Variants in FBXO28 observed in about 807,000 individuals in gnomAD.
The protein encoded by FBXO28 is F-box only protein 28.
Under a neutral mutation model 38.1 loss-of-function variants are expected in FBXO28, and 8 were observed. The observed-to-expected ratio is 0.21, with a 90% CI of 0.12 to 0.38. The LOEUF (loss-of-function observed/expected upper bound fraction) is 0.38. Among genes scored for constraint, FBXO28 ranks in the 10% least tolerant of loss-of-function variants. The pLI is 1.00. For synonymous variants in FBXO28, 168 were observed against 173.8 expected, an observed-to-expected ratio of 0.97 and a Z score of 0.26; for missense variants, 345 against 460.6, an observed-to-expected ratio of 0.75 and a Z score of 2.30.
chr1:224,147,643 C>T (rs776797473), intron 3 of FBXO28, among the ~76,000 whole-genome samples: 1 of 151,462 alleles, frequency 6.6e-6, no homozygotes, highest in African/African-American at 2.4e-5. Context: ...TGGACCCAAA[C>T]CCCTGAGGAT....
At chr1:224,122,252 T>G (rs1656796654) in intron 1 of FBXO28, among the ~76,000 whole-genome samples, 1 of 152,222 alleles carries the variant, frequency 6.6e-6, no homozygotes, top group Non-Finnish European at 1.5e-5. Flanking sequence ...CGTCCATCAT[T>G]AACTTTTTGC....
Position 224,149,777 on chromosome 1 carries a change from T to C in FBXO28, c.517-3365T>C, listed in dbSNP as rs73124496. On this transcript the variant is annotated intron_variant, in intron 3 of 4. Transcript: ENST00000366862. ...TTCTGAAGGGGAATAAAGGGTTGGA[T>C]GAAGATGTTAACATGATTTAAATTG... Among the ~76,000 whole-genome samples, 1,071 of 152,304 alleles carry C rather than the reference T, an allele frequency of 7.0e-3. 13 individuals carry two copies. The highest frequency in any genetic ancestry group is 0.024 in the African/African-American group (1,006 of 41,576).
At chr1:224,148,752 G>A (rs537659392) in intron 3 of FBXO28, among the ~76,000 whole-genome samples, 1 of 152,128 alleles carries the variant, frequency 6.6e-6, no homozygotes, top group East Asian at 1.9e-4. Flanking sequence ...ATGTTGAATT[G>A]CTATCCTATC....
chr1:224,120,449 G>A (rs1656745674), intron 1 of FBXO28, among the ~76,000 whole-genome samples: 1 of 152,160 alleles, frequency 6.6e-6, no homozygotes, highest in Non-Finnish European at 1.5e-5. Flanking sequence ...ATTATCTTTG[G>A]AGGAGCCTGT....
intron 2 of FBXO28, among the ~76,000 whole-genome samples, chr1:224,132,997 C>G (rs1365549800): frequency 6.6e-6 from 1 of 152,126 alleles, no homozygotes; most frequent in African/African-American, 2.4e-5. Context: ...ATCCAAATGT[C>G]CATCAGCTGA....
intron 3 of FBXO28, among the ~76,000 whole-genome samples, 189 bp from the exon 4 acceptor site, chr1:224,152,953 A>G (rs1008247642): frequency 6.0e-5 from 7 of 117,560 alleles, no homozygotes; most frequent in East Asian, 5.0e-4. Flanking sequence ...AAAAAAAAAA[A>G]GTACTGTAAC....
At chr1:224,122,914 A>G (rs1656811469) in intron 1 of FBXO28, among the ~76,000 whole-genome samples, 1 of 152,162 alleles carries the variant, frequency 6.6e-6, no homozygotes, top group African/African-American at 2.4e-5. Context: ...ACTCTAATCA[A>G]TTTGAAATAA....
intron 1 of FBXO28, among the ~76,000 whole-genome samples, chr1:224,124,369 T>C (rs1183581502): frequency 6.6e-6 from 1 of 152,230 alleles, no homozygotes; most frequent in African/African-American, 2.4e-5. Context: ...TTATAGTATA[T>C]ACTTTTCCTA....
intron 3 of FBXO28, among the ~76,000 whole-genome samples, chr1:224,137,273 G>A (rs921738318): frequency 7.3e-5 from 11 of 151,348 alleles, no homozygotes; most frequent in Admixed American, 2.0e-4. Flanking sequence ...GCCTGTAATC[G>A]CAGCACTTTG....
Position 224,157,894 on chromosome 1 carries a change from T to G in FBXO28, c.*148T>G, listed in dbSNP as rs568124087. The G allele has an allele frequency of 2.8e-6, 4 of 1,424,836 alleles. No individual in the cohort carries two copies. The African/African-American group carries it at 5.7e-5, about 20-fold the overall frequency. The allele number at this position is 1,424,836 out of a possible 1,614,324, so 88.3% of individuals were successfully genotyped here. A position where few individuals can be genotyped will look rare whatever the true frequency, so the allele number is the denominator to read the frequency against. On this transcript the variant is annotated 3_prime_UTR_variant, in exon 5 of 5. Transcript: ENST00000366862. The stretch of plus-strand genomic sequence containing the variant: ...AACTTGAACTCTTATGGTTGGGACA[T>G]TCTTTTCCTGCTTCTCCTGATTGAA...
chr1:224,127,933 G>A (rs1656944448), intron 1 of FBXO28, among the ~76,000 whole-genome samples: 1 of 152,124 alleles, frequency 6.6e-6, no homozygotes, highest in Non-Finnish European at 1.5e-5. Context: ...TTATTTATTA[G>A]AAATTACTTC....
At chr1:224,142,312 A>G (rs988357845) in intron 3 of FBXO28, among the ~76,000 whole-genome samples, 20 of 147,142 alleles carry the variant, frequency 1.4e-4, no homozygotes, top group African/African-American at 5.1e-4. Flanking sequence ...AGATTATGCC[A>G]TTGCATTCCA....
intron 1 of FBXO28, among the ~76,000 whole-genome samples, chr1:224,121,248 A>G (rs926279578): frequency 6.6e-6 from 1 of 152,198 alleles, no homozygotes; most frequent in Non-Finnish European, 1.5e-5. Flanking sequence ...AGAACAATCC[A>G]AAAGGCTTTT....
At chr1:224,139,745 AATACATACATGCATGCATGCATACATAC>A (rs1558192689) in intron 3 of FBXO28, among the ~76,000 whole-genome samples, 1 of 103,782 alleles carries the variant, frequency 9.6e-6, no homozygotes, top group African/African-American at 3.9e-5. Flanking sequence ...GTCTGAAATA[AATACATACATGCATGCATGCATACATAC>A]ATACATACAT....
intron 2 of FBXO28, 54 bp from the exon 3 acceptor site, chr1:224,134,020 G>A (rs2102618959): frequency 7.6e-7 from 1 of 1,320,668 alleles, no homozygotes; most frequent in Non-Finnish European, 9.9e-7. Flanking sequence ...TAATATTTTA[G>A]TCCACAATAC....
At chr1:224,129,942 A>G (rs1001248486) in intron 1 of FBXO28, among the ~76,000 whole-genome samples, 7 of 151,914 alleles carry the variant, frequency 4.6e-5, no homozygotes, top group Admixed American at 4.6e-4. Context: ...GTGAGCTAAG[A>G]TCGCGCCACT....
intron 3 of FBXO28, among the ~76,000 whole-genome samples, chr1:224,138,866 C>G (rs1175218831): frequency 6.6e-6 from 1 of 151,812 alleles, no homozygotes; most frequent in African/African-American, 2.4e-5. Context: ...ACTGCAACCT[C>G]CGCCTCCTGG....
In FBXO28 at chr1:224,157,456, G is replaced by A. The variant is rs1249568087; in HGVS notation, c.817G>A (p.Ala273Thr). The A allele has an allele frequency of 6.2e-7, 1 of 1,614,234 alleles. No individual in the cohort carries two copies. Among genetic ancestry groups the A allele is most frequent in the Non-Finnish European group, 8.5e-7 (1 of 1,180,046 alleles). ...KLQQQVKTNG[A>T]GVTVLRREIS... Reference sequence around the variant, plus strand: ...CCAGCAGCAGGTTAAAACAAATGGTGCTGGCGTGACTGTTCTCAGGCGTGA... The same window carrying A: ...CCAGCAGCAGGTTAAAACAAATGGTACTGGCGTGACTGTTCTCAGGCGTGA... Residue 273 changes from alanine (A) to threonine (T), a missense_variant, in exon 5 of 5, where the codon GCT becomes ACT. By Grantham distance (58) the Ala-to-Thr change is moderately conservative. Coordinates refer to ENST00000366862, the MANE Select transcript of FBXO28 (RefSeq NM_015176.4).
chr1:224,150,022 A>G (rs1404859614), intron 3 of FBXO28, among the ~76,000 whole-genome samples: 1 of 152,242 alleles, frequency 6.6e-6, no homozygotes, highest in East Asian at 1.9e-4. Context: ...CTTTGGGGAC[A>G]ACATTTAAAA....
Sources: allele counts gnomAD v4.1 joint callset (sites outside exome capture counted in the v4.1 genomes callset), GRCh38; gene constraint gnomAD v4.1.1; transcripts MANE v1.5; gene names NCBI Gene and HGNC (gene_info 2026-07-23, HGNC 2026-07-21).